Variants in TRAK2 observed in about 807,000 individuals in gnomAD.
TRAK2 encodes the protein trafficking kinesin-binding protein 2.
Under a neutral mutation model 104.6 loss-of-function variants are expected in TRAK2, and 81 were observed. The observed-to-expected ratio is 0.77, with a 90% confidence interval of 0.65 to 0.93. The LOEUF (loss-of-function observed/expected upper bound fraction) is 0.93, where lower values mean the gene tolerates loss of function less well. Ranked by LOEUF, TRAK2 falls within the 40% of genes least tolerant of loss-of-function variation. The pLI, the probability that TRAK2 is intolerant of heterozygous loss-of-function variation, is 0.00. For missense variants in TRAK2, 1,002 were observed against 1,089.0 expected (o/e 0.92, Z 1.12); for synonymous variants, 406 against 394.4 (o/e 1.03, Z -0.35).
rs760792645 is a variant in TRAK2, at chr2:201,378,253, C to G, written c.*2290G>C. 4 of 152,104 alleles carry G rather than the reference C, an allele frequency of 2.6e-5. No individual in the cohort carries two copies. Among genetic ancestry groups the G allele is most frequent in the Non-Finnish European group, 5.9e-5 (4 of 68,012 alleles). The allele number at this position is 152,104 out of a possible 1,614,324, so 9.4% of individuals were successfully genotyped here. ...TTGATCAGATGTGCTTATTTGGCTG[C>G]TAATACACCCCCACCACCCTGCCTC... On this transcript the variant is annotated 3_prime_UTR_variant, in exon 16 of 16. Transcript: ENST00000332624.
rs1220197198 is a variant in TRAK2, at chr2:201,395,258, G to A, written c.900+56C>T. The stretch of plus-strand genomic sequence containing the variant: ...TATTGTATCTAGCACTTAGCATGGT[G>A]CAAGATACTATGTGAGTGCTTAACA... On this transcript the variant is annotated intron_variant, in intron 8 of 15. Coordinates refer to ENST00000332624, the MANE Select transcript of TRAK2 (RefSeq NM_015049.3). 6 of 1,478,298 alleles carry A rather than the reference G, an allele frequency of 4.1e-6. No homozygotes were observed. The African/African-American group carries it at 6.9e-5, about 17-fold the overall frequency. The allele number at this position is 1,478,298 out of a possible 1,614,324, so 91.6% of individuals were successfully genotyped here. A position where few individuals can be genotyped will look rare whatever the true frequency, so the allele number is the denominator to read the frequency against.
rs201838696 is a variant in TRAK2 at position 201,380,625 on chromosome 2, T to C, written c.2663A>G (p.Gln888Arg). The C allele has an allele frequency of 6.2e-7, 1 of 1,614,068 alleles. No homozygotes were observed. The highest frequency in any genetic ancestry group is 2.2e-5 in the East Asian group (1 of 44,884). Residue 888 changes from glutamine (Q) to arginine (R), a missense_variant, in exon 16 of 16, where the codon CAG becomes CGG. Transcript: ENST00000332624. Reference sequence around the variant, plus strand: ...GCTACCCATTATGACTGGAAGACTCTGATTCCTCCTTAGTCCACCTAATAA... The same window carrying C: ...GCTACCCATTATGACTGGAAGACTCCGATTCCTCCTTAGTCCACCTAATAA... ...SSLLGGLRRN[Q>R]SLPVIMGSFA...
intron 1 of TRAK2, among the ~76,000 whole-genome samples, chr2:201,437,981 A>C (rs928611705): frequency 2.6e-5 from 4 of 152,178 alleles, no homozygotes; most frequent in Non-Finnish European, 5.9e-5. Flanking sequence ...AAGATCACAC[A>C]TCCTGGCTTA....
Position 201,378,726 on chromosome 2 carries a change from G to A in TRAK2, c.*1817C>T, listed in dbSNP as rs913010891. The A allele has an allele frequency of 4.6e-5, 7 of 152,320 alleles. No individual in the cohort carries two copies. Among genetic ancestry groups the A allele is most frequent in the African/African-American group, 1.7e-4 (7 of 41,560 alleles). The allele number at this position is 152,320 out of a possible 1,614,324, so 9.4% of individuals were successfully genotyped here. On this transcript the variant is annotated 3_prime_UTR_variant, in exon 16 of 16. Coordinates refer to ENST00000332624, the MANE Select transcript of TRAK2 (RefSeq NM_015049.3). ...TCTATTGACCTCAGCACAACTGAGT[G>A]AAGGGGAACGAAAGGGAGAGACCAT...
intron 1 of TRAK2, among the ~76,000 whole-genome samples, chr2:201,441,858 A>G (rs556445313): frequency 3.4e-3 from 509 of 151,178 alleles, no homozygotes; most frequent in African/African-American, 0.011. Context: ...CGCCCAGCTA[A>G]TTTTTGTATT....
chr2:201,449,331 G>A (rs1460627228), intron 1 of TRAK2, among the ~76,000 whole-genome samples: 2 of 152,192 alleles, frequency 1.3e-5, no homozygotes, highest in Non-Finnish European at 2.9e-5. Flanking sequence ...AAGCAAGGCA[G>A]ATCTAGATTT....
chr2:201,400,994 T>C (rs771890233), intron 4 of TRAK2, 24 bp downstream of exon 4: 6 of 1,591,020 alleles, frequency 3.8e-6, no homozygotes, highest in Non-Finnish European at 5.2e-6. Flanking sequence ...CTTTTTGTAC[T>C]GGAGAAAGAA....
chr2:201,411,249 T>C (rs1212164540), intron 2 of TRAK2: 1 of 730,426 alleles, frequency 1.4e-6, no homozygotes, highest in Non-Finnish European at 2.5e-6. Flanking sequence ...GCCTTTCAAC[T>C]TCTATGCCTG....
intron 1 of TRAK2, among the ~76,000 whole-genome samples, chr2:201,432,930 G>A (rs1221609548): frequency 6.6e-6 from 1 of 152,208 alleles, no homozygotes; most frequent in Non-Finnish European, 1.5e-5. Context: ...TGCAGGAACA[G>A]TGCCAATCAC....
intron 2 of TRAK2, among the ~76,000 whole-genome samples, chr2:201,409,545 T>C (rs1306094836): frequency 6.6e-6 from 1 of 152,154 alleles, no homozygotes; most frequent in African/African-American, 2.4e-5. Flanking sequence ...GGCAGAAAAA[T>C]ACATTACCAT....
chr2:201,411,091 A>T (rs1160313561), intron 2 of TRAK2: 2 of 1,110,270 alleles, frequency 1.8e-6, no homozygotes, highest in Non-Finnish European at 2.7e-6. Flanking sequence ...GAAGGAACAG[A>T]AGTGAACGTA....
Position 201,451,376 on chromosome 2 carries a change from C to A in TRAK2, c.-226G>T, listed in dbSNP as rs1333834412. 5.3e-5 allele frequency: 8 copies of A among 152,230 alleles called. No homozygotes were observed. Among genetic ancestry groups the A allele is most frequent in the Admixed American group, 5.2e-4 (8 of 15,294 alleles). 9.4% of individuals were successfully genotyped at this position (152,230 alleles called of 1,614,324 possible). Reference sequence around the variant, plus strand: ...GGAGTGGTTCGGCATCCTCTGTCGTCCGCCCGCGCTTCCTCAGGAAGCCCC... The same window carrying A: ...GGAGTGGTTCGGCATCCTCTGTCGTACGCCCGCGCTTCCTCAGGAAGCCCC... On this transcript the variant is annotated 5_prime_UTR_variant, in exon 1 of 16. Coordinates refer to ENST00000332624, the MANE Select transcript of TRAK2 (RefSeq NM_015049.3).
intron 1 of TRAK2, among the ~76,000 whole-genome samples, chr2:201,448,902 T>C (rs973707704): frequency 2.6e-5 from 4 of 152,162 alleles, no homozygotes; most frequent in African/African-American, 4.8e-5. Context: ...GGTTTTGCTA[T>C]GTTGAACAGG....
intron 9 of TRAK2, among the ~76,000 whole-genome samples, chr2:201,394,499 C>T (rs1435850474): frequency 6.6e-6 from 1 of 152,004 alleles, no homozygotes; most frequent in East Asian, 1.9e-4. Flanking sequence ...CACCACCATG[C>T]CCAGCTAACT....
rs771738285 is a variant in TRAK2 at position 201,394,798 on chromosome 2, C to T, written c.975G>A (p.Glu325=). ...SKDAQRQLTM[E]LHELQDRNME... is the part of the protein sequence containing the mutation. ...TTACACAAGATAAAGATTTCATTAC[C>T]TCCATTGTCAGTTGCCGTTGGGCAT... The change falls in exon 9 of 16, where the codon GAG becomes GAA. Residue 325 remains glutamate (E), a splice_region_variant and synonymous_variant. Transcript: ENST00000332624. 3 of 1,613,254 alleles carry T rather than the reference C, an allele frequency of 1.9e-6. No individual in the cohort carries two copies. The highest frequency in any genetic ancestry group is 1.1e-5 in the South Asian group (1 of 91,002).
chr2:201,408,950 G>C (rs1485524632), intron 2 of TRAK2, among the ~76,000 whole-genome samples: 1 of 152,128 alleles, frequency 6.6e-6, no homozygotes, highest in Non-Finnish European at 1.5e-5. Flanking sequence ...TTTTAAAGAA[G>C]TGGTACATCT....
intron 3 of TRAK2, 131 bp from the exon 4 acceptor site, chr2:201,401,225 T>A: frequency 1.9e-6 from 1 of 524,364 alleles, no homozygotes; most frequent in Admixed American, 3.5e-5. Flanking sequence ...AGAATAAAAA[T>A]ATATGTGAAA....
chr2:201,394,458 C>T lies in TRAK2; in HGVS notation c.975+340G>A, dbSNP rs186817234. Among the ~76,000 whole-genome samples the T allele has an allele frequency of 1.7e-4, 26 of 150,444 alleles. No individual in the cohort carries two copies. The East Asian group carries it at 2.9e-3, about 17-fold the overall frequency. On this transcript the variant is annotated intron_variant, in intron 9 of 15. Transcript: ENST00000332624. Reference sequence around the variant, plus strand: ...CTGGGTTCCAGTGATTCTCCTGCTTCGCCTCCTGGGTAGCTGGGATTACAG... The same window carrying T: ...CTGGGTTCCAGTGATTCTCCTGCTTTGCCTCCTGGGTAGCTGGGATTACAG...
intron 1 of TRAK2, among the ~76,000 whole-genome samples, chr2:201,420,964 T>C (rs1025292414): frequency 1.3e-5 from 2 of 152,192 alleles, no homozygotes; most frequent in Non-Finnish European, 2.9e-5. Context: ...AAGGGAGGAA[T>C]TACTAAGGGG....
Sources: gnomAD v4.1 joint callset for allele counts (sites outside exome capture counted in the v4.1 genomes callset) on GRCh38, gnomAD v4.1.1 for gene constraint, MANE v1.5 for transcripts, NCBI Gene and HGNC (gene_info 2026-07-23, HGNC 2026-07-21) for gene names.